TAF12: variants seen among roughly 807,000 people sequenced by gnomAD.
The protein encoded by TAF12 is TATA-box binding protein associated factor 12, also known as transcription initiation factor TFIID subunit 12.
In TAF12, 3 loss-of-function variants were observed where a neutral mutation model predicts 20.8. The observed-to-expected ratio is 0.14, with a 90% CI of 0.07 to 0.37. The LOEUF (loss-of-function observed/expected upper bound fraction) is 0.37, where lower values mean the gene tolerates loss of function less well. Ranked by LOEUF, TAF12 falls within the 10% of genes least tolerant of loss-of-function variation. The pLI is 1.00. For missense variants in TAF12, 131 were observed against 197.9 expected, an observed-to-expected ratio of 0.66 and a Z score of 2.03; for synonymous variants, 69 against 70.2, an observed-to-expected ratio of 0.98 and a Z score of 0.09.
At chr1:28,631,370 CA>C (rs1386339176) in intron 1 of TAF12, among the ~76,000 whole-genome samples, 1 of 151,772 alleles carries the variant, frequency 6.6e-6, no homozygotes, top group Non-Finnish European at 1.5e-5. Flanking sequence ...CTAAAAAATA[CA>C]AAAACTAGCT....
At chr1:28,604,760 T>C (rs1217926512) in intron 5 of TAF12, among the ~76,000 whole-genome samples, 5 of 152,152 alleles carry the variant, frequency 3.3e-5, no homozygotes, top group African/African-American at 1.2e-4. Context: ...AGTAGCCACT[T>C]AAGTTAAGAC....
chr1:28,634,025 G>A (rs1462334248), intron 1 of TAF12, among the ~76,000 whole-genome samples: 1 of 151,858 alleles, frequency 6.6e-6, no homozygotes, highest in African/African-American at 2.4e-5. Context: ...GGAGGTTGCA[G>A]TTAGCCGAGA....
At chr1:28,622,247 C>G (rs1667243557) in intron 1 of TAF12, 82 bp from the exon 2 acceptor site, 1 of 1,312,582 alleles carries the variant, frequency 7.6e-7, no homozygotes, top group South Asian at 1.9e-5. Context: ...AGGCCTGGTG[C>G]AATGGCTCAC....
chr1:28,628,308 T>G (rs1043510220), intron 1 of TAF12, among the ~76,000 whole-genome samples: 40 of 129,604 alleles, frequency 3.1e-4, no homozygotes, highest in African/African-American at 9.9e-4. Context: ...GAGGTTGCAG[T>G]GAGCCGAGAT....
At chr1:28,618,057 C>A (rs1260672287) in intron 2 of TAF12, 27 bp from the exon 3 acceptor site, 1 of 1,585,368 alleles carries the variant, frequency 6.3e-7, no homozygotes, top group Non-Finnish European at 8.6e-7. Flanking sequence ...GAAGACTTTT[C>A]AACCAGATAT....
At chr1:28,613,080 C>CCA (rs1267810655) in intron 4 of TAF12, among the ~76,000 whole-genome samples, 167 bp downstream of exon 4, 3 of 152,230 alleles carry the variant, frequency 2.0e-5, no homozygotes, top group African/African-American at 7.2e-5. Context: ...ATTCTCCCTA[C>CCA]CACAGATGGA....
chr1:28,632,051 A>G (rs566876814), intron 1 of TAF12, among the ~76,000 whole-genome samples: 3 of 152,320 alleles, frequency 2.0e-5, no homozygotes, highest in Admixed American at 6.5e-5. Flanking sequence ...TAGCAACATC[A>G]TTCACAACTA....
At chr1:28,637,931 A>T (rs1667894057) in intron 1 of TAF12, among the ~76,000 whole-genome samples, 1 of 152,114 alleles carries the variant, frequency 6.6e-6, no homozygotes, top group Non-Finnish European at 1.5e-5. Context: ...TAGGAGGATC[A>T]CTTGCTGATA....
chr1:28,631,535 A>G lies in TAF12; in HGVS notation c.-84-9370T>C, dbSNP rs565977671. ...ACAAGACTCCTTCTCTCCAAAAAAA[A>G]AGAAAATGGGCAGACTGGGCATGAT... is the stretch of plus-strand genomic sequence containing the variant. On this transcript the variant is annotated intron_variant, in intron 1 of 5. Transcript: ENST00000373824. Among the ~76,000 whole-genome samples the G allele has an allele frequency of 9.9e-4, 151 of 151,852 alleles. 5 individuals are homozygous for G. In the South Asian group the frequency reaches 0.031, roughly 31 times the overall value.
chr1:28,641,558 C>T (rs1668034412), intron 1 of TAF12, among the ~76,000 whole-genome samples: 1 of 152,044 alleles, frequency 6.6e-6, no homozygotes, highest in African/African-American at 2.4e-5. Context: ...CTTTGGGAGG[C>T]CAAGGTGGGA....
chr1:28,627,995 G>C (rs929752881), intron 1 of TAF12, among the ~76,000 whole-genome samples: 1 of 151,850 alleles, frequency 6.6e-6, no homozygotes, highest in Non-Finnish European at 1.5e-5. Context: ...TTATACAACT[G>C]TCGAACTCCT....
At chr1:28,626,286 A>C (rs1053252401) in intron 1 of TAF12, among the ~76,000 whole-genome samples, 1 of 151,700 alleles carries the variant, frequency 6.6e-6, no homozygotes, top group African/African-American at 2.4e-5. Context: ...CCTCAGCCTA[A>C]ATTTTTTTTA....
intron 1 of TAF12, among the ~76,000 whole-genome samples, chr1:28,635,229 C>CAAAT (rs923367570): frequency 6.4e-4 from 90 of 140,064 alleles, no homozygotes; most frequent in African/African-American, 2.0e-3. Flanking sequence ...GACTCCGTCT[C>CAAAT]AAATAAATAA....
chr1:28,618,061 C>T (rs1210970128), intron 2 of TAF12, 31 bp from the exon 3 acceptor site: 4 of 1,584,040 alleles, frequency 2.5e-6, no homozygotes, highest in Non-Finnish European at 3.5e-6. Context: ...ACTTTTCAAC[C>T]AGATATTAAG....
At chr1:28,610,386 G>T (rs1666811050) in intron 4 of TAF12, among the ~76,000 whole-genome samples, 1 of 152,152 alleles carries the variant, frequency 6.6e-6, no homozygotes, top group Non-Finnish European at 1.5e-5. Context: ...TGACCTCCCA[G>T]GCTCAAGTGA....
At chr1:28,638,181 T>C (rs1667908530) in intron 1 of TAF12, among the ~76,000 whole-genome samples, 1 of 150,938 alleles carries the variant, frequency 6.6e-6, no homozygotes, top group African/African-American at 2.4e-5. Flanking sequence ...TTGTATTTTA[T>C]TTTATTTTAT....
chr1:28,615,662 G>GAGC (rs1001227476), intron 3 of TAF12, among the ~76,000 whole-genome samples: 2 of 104,106 alleles, frequency 1.9e-5, no homozygotes, highest in African/African-American at 7.6e-5. Context: ...CTGGTCAACA[G>GAGC]AGCGAGACTC....
chr1:28,634,481 A>T (rs1667751202), intron 1 of TAF12, among the ~76,000 whole-genome samples: 1 of 152,030 alleles, frequency 6.6e-6, no homozygotes. Flanking sequence ...TTGAGAGAAC[A>T]ATAATAATTA....
chr1:28,620,137 AT>A lies in TAF12; in HGVS notation c.168+1776del, dbSNP rs1246264663. On this transcript the variant is annotated intron_variant, in intron 2 of 5. Coordinates refer to ENST00000373824, the MANE Select transcript of TAF12 (RefSeq NM_005644.4). Reference sequence around the variant, plus strand: ...TTGAAATAAGGAAAAAAGAAAAAAAATTTTTTTTTTTTTTGAGACGGAATCT... The same window carrying A: ...TTGAAATAAGGAAAAAAGAAAAAAAATTTTTTTTTTTTTGAGACGGAATCT... Among the ~76,000 whole-genome samples the A allele has an allele frequency of 5.1e-3, 739 of 146,092 alleles. 4 individuals are homozygous for A. Among genetic ancestry groups the A allele is most frequent in the African/African-American group, 0.016 (645 of 40,076 alleles).
Sources: gnomAD v4.1 joint callset for allele counts (sites outside exome capture counted in the v4.1 genomes callset) on GRCh38, gnomAD v4.1.1 for gene constraint, MANE v1.5 for transcripts, NCBI Gene and HGNC (gene_info 2026-07-23, HGNC 2026-07-21) for gene names.